Variants in DGKE observed in about 807,000 individuals in gnomAD.
The protein encoded by DGKE is DAG kinase epsilon.
Under a neutral mutation model 70.0 loss-of-function variants are expected in DGKE, and 53 were observed. The ratio of observed to expected loss-of-function variants is 0.76; its 90% CI spans 0.61 to 0.95. The LOEUF is 0.95. Among genes scored for constraint, DGKE ranks in the 40% least tolerant of loss-of-function variants. The pLI is 0.00. For missense variants in DGKE, 655 were observed against 706.9 expected (o/e 0.93, Z 0.83); for synonymous variants, 291 against 257.0 (o/e 1.13, Z -1.27).
At chr17:56,846,010 G>A (rs1645178470) in intron 4 of DGKE, 2 of 405,394 alleles carry the variant, frequency 4.9e-6, no homozygotes, top group Admixed American at 9.0e-5. Flanking sequence ...CATCTTGGCA[G>A]TTTCTTAAAA....
At position 56,849,287 on chromosome 17, in the gene DGKE, G is replaced by A. The variant is rs533679722; in HGVS notation, c.1098+55G>A. 212 of 1,499,520 alleles carry A rather than the reference G, an allele frequency of 1.4e-4. 2 individuals carry two copies. In the South Asian group the frequency reaches 1.8e-3, roughly 13 times the overall value. 92.9% of individuals were successfully genotyped at this position (1,499,520 alleles called of 1,614,324 possible). On this transcript the variant is annotated intron_variant, in intron 7 of 11. Coordinates refer to ENST00000284061, the MANE Select transcript of DGKE (RefSeq NM_003647.3). ...GTTTCAGCTTCATTGCACAAGATAC[G>A]GCACTCTGTGGTGGGATACAGAGAC... is the stretch of plus-strand genomic sequence containing the variant.
chr17:56,847,186 C>A (rs1190359199), intron 4 of DGKE, among the ~76,000 whole-genome samples: 1 of 151,282 alleles, frequency 6.6e-6, no homozygotes, highest in Non-Finnish European at 1.5e-5. Flanking sequence ...CTATGTATTG[C>A]AAAATTGCTT....
intron 7 of DGKE, among the ~76,000 whole-genome samples, chr17:56,850,260 G>C (rs541361316): frequency 6.6e-6 from 1 of 152,220 alleles, no homozygotes; most frequent in African/African-American, 2.4e-5. Flanking sequence ...AAGTAGCTGG[G>C]ACCACTGGCA....
chr17:56,867,644 C>T lies in DGKE; in HGVS notation c.*4853C>T, dbSNP rs1228199168. The stretch of plus-strand genomic sequence containing the variant: ...GGCGTGGTGGCTCACGCCTGTAATC[C>T]CAGCACTTTGGGAGGCTGAGGCAGG... On this transcript the variant is annotated 3_prime_UTR_variant, in exon 12 of 12. Transcript: ENST00000284061. The T allele has an allele frequency of 6.5e-6, 1 of 152,880 alleles. No individual in the cohort carries two copies. Among genetic ancestry groups the T allele is most frequent in the Non-Finnish European group, 1.5e-5 (1 of 68,780 alleles). The allele number at this position is 152,880 out of a possible 1,614,324, so 9.5% of individuals were successfully genotyped here. A position where few individuals can be genotyped will look rare whatever the true frequency, so the allele number is the denominator to read the frequency against.
chr17:56,840,858 A>G (rs1906934678), intron 2 of DGKE, among the ~76,000 whole-genome samples: 1 of 152,188 alleles, frequency 6.6e-6, no homozygotes, highest in South Asian at 2.1e-4. Context: ...ACAGCATTTA[A>G]TTAGGTGCCT....
At chr17:56,835,550 A>G in intron 2 of DGKE, 2 of 453,120 alleles carry the variant, frequency 4.4e-6, no homozygotes, top group Non-Finnish European at 7.7e-6. Flanking sequence ...CTTCATGGCC[A>G]CTGTATATTT....
rs1165721794 is a variant in DGKE at position 56,864,416 on chromosome 17, T to C, written c.*1625T>C. On this transcript the variant is annotated 3_prime_UTR_variant, in exon 12 of 12. Coordinates refer to ENST00000284061, the MANE Select transcript of DGKE (RefSeq NM_003647.3). ...GTTTTCAAAGAGCAACTTAGTAATG[T>C]ATACAGTAGTCAGTACATTTTATGA... The C allele has an allele frequency of 6.6e-6, 1 of 152,212 alleles. No homozygotes were observed. Among genetic ancestry groups the C allele is most frequent in the Non-Finnish European group, 1.5e-5 (1 of 68,040 alleles). The allele number at this position is 152,212 out of a possible 1,614,324, so 9.4% of individuals were successfully genotyped here.
intron 7 of DGKE, among the ~76,000 whole-genome samples, chr17:56,854,329 G>T (rs1407095075): frequency 1.3e-5 from 2 of 151,018 alleles, no homozygotes; most frequent in African/African-American, 2.4e-5. Context: ...TGTTTTTTTT[G>T]TGTTTTTTTG....
In DGKE at chr17:56,834,889, C is replaced by G; in HGVS notation, c.94C>G (p.Leu32Val). The change falls in exon 2 of 12, where the codon CTG becomes GTG. Residue 32 changes from leucine to valine, a missense_variant. Physicochemically the swap from Leu to Val is conservative, Grantham distance 32 (BLOSUM62 1). Coordinates refer to ENST00000284061, the MANE Select transcript of DGKE (RefSeq NM_003647.3). Reference sequence around the variant, plus strand: ...CTTGTGGACGCTGTGCTCGGTCCTGCTGCCGGTGTTCATCACCTTCTGGTG... The same window carrying G: ...CTTGTGGACGCTGTGCTCGGTCCTGGTGCCGGTGTTCATCACCTTCTGGTG... ...LILWTLCSVL[L>V]PVFITFWCSL... 1 of 1,613,688 alleles carries G rather than the reference C, an allele frequency of 6.2e-7. No homozygotes were observed. Among genetic ancestry groups the G allele is most frequent in the Non-Finnish European group, 8.5e-7 (1 of 1,179,936 alleles).
intron 9 of DGKE, 121 bp from the exon 10 acceptor site, chr17:56,861,670 C>T: frequency 3.8e-6 from 5 of 1,322,356 alleles, no homozygotes; most frequent in South Asian, 1.3e-5. Flanking sequence ...AGGTAGGGAG[C>T]ATCTTCTACA....
At chr17:56,835,524 T>G in intron 2 of DGKE, 1 of 486,592 alleles carries the variant, frequency 2.1e-6, no homozygotes, top group Non-Finnish European at 3.6e-6. Flanking sequence ...ATACAGAGGT[T>G]TCTAAGTGGT....
At chr17:56,856,079 T>A (rs899974056) in intron 7 of DGKE, among the ~76,000 whole-genome samples, 1 of 150,340 alleles carries the variant, frequency 6.7e-6, no homozygotes, top group Non-Finnish European at 1.5e-5. Flanking sequence ...TTGAGTACAG[T>A]CATTGAAATG....
In DGKE at chr17:56,863,019, C is replaced by T. The variant is rs965911703; in HGVS notation, c.*228C>T. On this transcript the variant is annotated 3_prime_UTR_variant, in exon 12 of 12. Coordinates refer to ENST00000284061, the MANE Select transcript of DGKE (RefSeq NM_003647.3). Reference sequence around the variant, plus strand: ...ACTTCAAATGAATAGTATTAACTTACAAAAAGTCACAAAAACTTACATGAG... The same window carrying T: ...ACTTCAAATGAATAGTATTAACTTATAAAAAGTCACAAAAACTTACATGAG... 3 of 372,366 alleles carry T rather than the reference C, an allele frequency of 8.1e-6. No individual in the cohort carries two copies. Among genetic ancestry groups the T allele is most frequent in the East Asian group, 4.4e-5 (1 of 22,940 alleles). 23.1% of individuals were successfully genotyped at this position (372,366 alleles called of 1,614,324 possible).
intron 9 of DGKE, among the ~76,000 whole-genome samples, chr17:56,861,478 A>C (rs1908288412): frequency 6.6e-6 from 1 of 152,190 alleles, no homozygotes; most frequent in Non-Finnish European, 1.5e-5. Context: ...CAGGAAGCAA[A>C]GGGAAAGAAG....
chr17:56,856,656 A>G, intron 8 of DGKE, 31 bp downstream of exon 8: 1 of 1,595,490 alleles, frequency 6.3e-7, no homozygotes, highest in African/African-American at 1.3e-5. Context: ...TTTCCTGCTT[A>G]TCACCGAAGG....
At position 56,869,450 on chromosome 17, in the gene DGKE, CT is replaced by C. The variant is rs1439388658; in HGVS notation, c.*6663del. 6.6e-6 allele frequency: 1 copy of C among 152,152 alleles called. No homozygotes were observed. Among genetic ancestry groups the C allele is most frequent in the Non-Finnish European group, 1.5e-5 (1 of 68,020 alleles). The allele number at this position is 152,152 out of a possible 1,614,324, so 9.4% of individuals were successfully genotyped here. A position where few individuals can be genotyped will look rare whatever the true frequency, so the allele number is the denominator to read the frequency against. ...AAAAATGTACTGTGGCATGTAACATCTTTTATTCATTTTATTAGGCATTAGA... is the reference window on the plus strand; with the variant it reads ...AAAAATGTACTGTGGCATGTAACATCTTTATTCATTTTATTAGGCATTAGA... On this transcript the variant is annotated 3_prime_UTR_variant, in exon 12 of 12. Coordinates refer to ENST00000284061, the MANE Select transcript of DGKE (RefSeq NM_003647.3).
Position 56,864,072 on chromosome 17 carries a change from T to C in DGKE, c.*1281T>C, listed in dbSNP as rs2144307416. ...ACTACTTTTGGATAACTGAAAGCTT[T>C]GTTTCATTGTTTTATTTGCCCCTCA... On this transcript the variant is annotated 3_prime_UTR_variant, in exon 12 of 12. Transcript: ENST00000284061. 1 of 152,330 alleles carries C rather than the reference T, an allele frequency of 6.6e-6. No individual in the cohort carries two copies. Among genetic ancestry groups the C allele is most frequent in the Non-Finnish European group, 1.5e-5 (1 of 68,032 alleles). 9.4% of individuals were successfully genotyped at this position (152,330 alleles called of 1,614,324 possible). A position where few individuals can be genotyped will look rare whatever the true frequency, so the allele number is the denominator to read the frequency against.
Position 56,848,794 on chromosome 17 carries a change from A to C in DGKE, c.987A>C (p.Glu329Asp). 3.1e-6 allele frequency: 5 copies of C among 1,614,192 alleles called. No individual in the cohort carries two copies. The highest frequency in any genetic ancestry group is 3.4e-6 in the Non-Finnish European group (4 of 1,180,024). Residue 329 changes from glutamate to aspartate, a missense_variant, in exon 6 of 12, where the codon GAA (glutamate) becomes GAC (aspartate). Physicochemically the swap from Glu to Asp is conservative, Grantham distance 45. Transcript: ENST00000284061. ...TLGWGTGYAG[E>D]IPVAQVLRNV... Reference sequence around the variant, plus strand: ...GTTGGGGTACAGGTTATGCTGGAGAAATTCCAGTTGCGCAGGTTTTGCGAA... The same window carrying C: ...GTTGGGGTACAGGTTATGCTGGAGACATTCCAGTTGCGCAGGTTTTGCGAA...
chr17:56,863,606 C>T lies in DGKE; in HGVS notation c.*815C>T, dbSNP rs1011187633. 4 of 152,300 alleles carry T rather than the reference C, an allele frequency of 2.6e-5. No individual in the cohort carries two copies. Among genetic ancestry groups the T allele is most frequent in the Admixed American group, 2.0e-4 (3 of 15,306 alleles). 9.4% of individuals were successfully genotyped at this position (152,300 alleles called of 1,614,324 possible). ...AAGACAGTGTCAACACTTCAAAAAA[C>T]GTGCTTAAAGGAGACAACGGTGAGA... On this transcript the variant is annotated 3_prime_UTR_variant, in exon 12 of 12. Transcript: ENST00000284061.
Sources: gnomAD v4.1 joint callset for allele counts (sites outside exome capture counted in the v4.1 genomes callset) on GRCh38, gnomAD v4.1.1 for gene constraint, MANE v1.5 for transcripts, NCBI Gene and HGNC (gene_info 2026-07-23, HGNC 2026-07-21) for gene names.